NMNAT1: variants seen among roughly 807,000 people sequenced by gnomAD.
NMNAT1 encodes the protein nicotinamide/nicotinic acid mononucleotide adenylyltransferase 1.
Under a neutral mutation model 16.7 loss-of-function variants are expected in NMNAT1, and 11 were observed. The ratio of observed to expected loss-of-function variants is 0.66; its 90% CI spans 0.41 to 1.09. NMNAT1 has a LOEUF of 1.09. Ranked by LOEUF, NMNAT1 falls within the 50% of genes least tolerant of loss-of-function variation. NMNAT1 has a pLI of 0.00. For missense variants in NMNAT1, 280 were observed against 332.3 expected (o/e 0.84, Z 1.22); for synonymous variants, 110 against 119.8 (o/e 0.92, Z 0.53).
chr1:9,975,394 A>G (rs756426981), intron 2 of NMNAT1, among the ~76,000 whole-genome samples, 198 bp from the exon 3 acceptor site: 8 of 152,120 alleles, frequency 5.3e-5, no homozygotes, highest in Non-Finnish European at 1.2e-4. Context: ...CCAGCTACTC[A>G]GGAGTCTGAC....
chr1:9,954,048 C>T (rs1324075506), intron 1 of NMNAT1, among the ~76,000 whole-genome samples: 2 of 151,784 alleles, frequency 1.3e-5, no homozygotes, highest in South Asian at 2.1e-4. Flanking sequence ...TCAGGTGATC[C>T]ACCTGCCTCG....
At chr1:9,961,359 T>A (rs1641402583) in intron 1 of NMNAT1, among the ~76,000 whole-genome samples, 2 of 152,160 alleles carry the variant, frequency 1.3e-5, no homozygotes, top group South Asian at 4.1e-4. Flanking sequence ...AAACCTGAGA[T>A]GGGCGGGGTT....
chr1:9,957,615 C>T (rs150482857), intron 1 of NMNAT1, among the ~76,000 whole-genome samples: 270 of 152,302 alleles, frequency 1.8e-3, no homozygotes, highest in Non-Finnish European at 3.3e-3. Flanking sequence ...TTTAAATTCA[C>T]GTTAATTTGC....
chr1:9,954,617 T>C (rs1378239569), intron 1 of NMNAT1, among the ~76,000 whole-genome samples: 3 of 152,120 alleles, frequency 2.0e-5, no homozygotes, highest in Non-Finnish European at 1.5e-5. Flanking sequence ...TTTAATATTA[T>C]AACACTAAAG....
chr1:9,972,262 G>A lies in NMNAT1; in HGVS notation c.115+74G>A, dbSNP rs553720857. The A allele has an allele frequency of 5.1e-6, 4 of 776,994 alleles. No individual in the cohort carries two copies. The East Asian group carries it at 7.4e-5, about 14-fold the overall frequency. The allele number at this position is 776,994 out of a possible 1,614,324, so 48.1% of individuals were successfully genotyped here. A position where few individuals can be genotyped will look rare whatever the true frequency, so the allele number is the denominator to read the frequency against. On this transcript the variant is annotated intron_variant, in intron 2 of 4. Coordinates refer to ENST00000377205, the MANE Select transcript of NMNAT1 (RefSeq NM_022787.4). ...GCAGTGGCTCACACCTGCAATCCCA[G>A]CATTTTGGGAGGCTGAGACGGGCAG...
At chr1:9,992,719 G>T in the NMNAT1 span, among the ~76,000 whole-genome samples, 6 of 151,940 alleles carry the variant, frequency 3.9e-5, no homozygotes, top group African/African-American at 1.4e-4. Context: ...AGACCTTCCT[G>T]GCTAACACAG....
chr1:9,951,346 T>G (rs1641105644), intron 1 of NMNAT1: 1 of 152,224 alleles, frequency 6.6e-6, no homozygotes, highest in Admixed American at 6.6e-5. Flanking sequence ...TGTCTTTTAA[T>G]CAGAATGTGT....
In NMNAT1 at chr1:9,957,028, C is replaced by T. The variant is rs112310336; in HGVS notation, c.-57+13513C>T. ...TACAGGCATGAGCCATTGCATCTGGCCTTTTTATTTTTATTTTTGAGGTGG... is the reference window on the plus strand; with the variant it reads ...TACAGGCATGAGCCATTGCATCTGGTCTTTTTATTTTTATTTTTGAGGTGG... On this transcript the variant is annotated intron_variant, in intron 1 of 4. Transcript: ENST00000377205. Among the ~76,000 whole-genome samples the T allele has an allele frequency of 9.8e-3, 1,493 of 151,754 alleles. 30 individuals are homozygous for T. The highest frequency in any genetic ancestry group is 0.034 in the African/African-American group (1,411 of 41,406).
downstream of NMNAT1, among the ~76,000 whole-genome samples, chr1:9,990,042 C>T (rs1411978917): frequency 1.3e-5 from 2 of 152,218 alleles, no homozygotes; most frequent in Non-Finnish European, 2.9e-5. Context: ...CCCCTGCCAG[C>T]GCCAAAGTGG....
At chr1:9,948,353 T>C (rs1371718484) in intron 1 of NMNAT1, among the ~76,000 whole-genome samples, 1 of 152,072 alleles carries the variant, frequency 6.6e-6, no homozygotes, top group African/African-American at 2.4e-5. Context: ...GGTGGGCGGA[T>C]TGCTTGAGCC....
chr1:9,993,855 A>G, the NMNAT1 span, among the ~76,000 whole-genome samples: 1 of 152,116 alleles, frequency 6.6e-6, no homozygotes, highest in Admixed American at 6.6e-5. Context: ...TAGCTGCGTC[A>G]AGTTTCAGAT....
intron 1 of NMNAT1, 89 bp from the exon 2 acceptor site, chr1:9,971,929 C>A: frequency 1.6e-6 from 1 of 624,386 alleles, no homozygotes; most frequent in Non-Finnish European, 2.9e-6. Context: ...GTGGTTGCAT[C>A]ACTACACTCT....
intron 1 of NMNAT1, among the ~76,000 whole-genome samples, chr1:9,948,458 T>G (rs1641028855): frequency 6.6e-6 from 1 of 151,986 alleles, no homozygotes; most frequent in African/African-American, 2.4e-5. Flanking sequence ...ATACCTGTAG[T>G]CCCAGCTACT....
chr1:9,987,224 A>G (rs1642055758), downstream of NMNAT1, among the ~76,000 whole-genome samples: 1 of 150,660 alleles, frequency 6.6e-6, no homozygotes, highest in South Asian at 2.1e-4. Context: ...AAACAAGTGT[A>G]CTAAGTCCAG....
intron 4 of NMNAT1, chr1:9,981,486 C>T (rs750353564): frequency 4.4e-5 from 9 of 206,504 alleles, no homozygotes; most frequent in Admixed American, 1.1e-4. Flanking sequence ...CCGCCCACCT[C>T]GGCCTCCCAA....
chr1:9,978,184 C>T (rs561819507), intron 3 of NMNAT1, among the ~76,000 whole-genome samples: 5 of 152,244 alleles, frequency 3.3e-5, no homozygotes, highest in South Asian at 4.2e-4. Context: ...TGGCAAACCC[C>T]GTCTCTACTA....
chr1:9,971,648 G>A (rs1344499972), intron 1 of NMNAT1, among the ~76,000 whole-genome samples: 1 of 151,944 alleles, frequency 6.6e-6, no homozygotes, highest in Non-Finnish European at 1.5e-5. Context: ...TTGGGAATGA[G>A]AATGTGGAAG....
At chr1:9,971,514 A>G (rs553516653) in intron 1 of NMNAT1, among the ~76,000 whole-genome samples, 2 of 152,112 alleles carry the variant, frequency 1.3e-5, no homozygotes, top group African/African-American at 2.4e-5. Flanking sequence ...AGGTTTTACC[A>G]TGTTGGCCAG....
downstream of NMNAT1, among the ~76,000 whole-genome samples, chr1:9,989,153 C>A (rs541794519): frequency 7.1e-4 from 108 of 152,048 alleles, no homozygotes; most frequent in Non-Finnish European, 1.1e-3. Context: ...GCCCACCCCC[C>A]ATCCTGTGCC....
Sources: gnomAD v4.1 joint callset for allele counts (sites outside exome capture counted in the v4.1 genomes callset) on GRCh38, gnomAD v4.1.1 for gene constraint, MANE v1.5 for transcripts, NCBI Gene and HGNC (gene_info 2026-07-23, HGNC 2026-07-21) for gene names.